RPRD2: variants seen among roughly 807,000 people sequenced by gnomAD.
RPRD2 encodes regulation of nuclear pre-mRNA domain containing 2.
A neutral mutation model predicts 104.4 loss-of-function variants in RPRD2; 12 were observed. The observed-to-expected ratio is 0.11, with a 90% CI of 0.07 to 0.19. RPRD2 has a LOEUF of 0.19. RPRD2 is among the 10% of genes least tolerant of loss of function. The pLI is 1.00. For missense variants in RPRD2, 1,543 were observed against 1,790.1 expected (o/e 0.86, Z 2.49); for synonymous variants, 714 against 684.9 (o/e 1.04, Z -0.66).
At chr1:150,365,212 G>A (rs1351874921) in intron 1 of RPRD2, among the ~76,000 whole-genome samples, 1 of 152,182 alleles carries the variant, frequency 6.6e-6, no homozygotes, top group Non-Finnish European at 1.5e-5. Context: ...AGCCTTGTAA[G>A]GTGTATTGAT....
At chr1:150,368,323 C>T (rs1470151901) in intron 1 of RPRD2, among the ~76,000 whole-genome samples, 3 of 144,438 alleles carry the variant, frequency 2.1e-5, no homozygotes, top group South Asian at 2.2e-4. Flanking sequence ...GATGGAATTT[C>T]GCTTTGTCGT....
chr1:150,472,633 C>A lies in RPRD2; in HGVS notation c.3685C>A (p.Arg1229=), dbSNP rs1197403172. ...TAAGGATCATGGTGGTATCTTCTCT[C>A]GAGATGCACCCACTCATCTACCCTC... ...PPKDHGGIFS[R]DAPTHLPSVD... The change falls in exon 11 of 11, where the codon CGA becomes AGA. Residue 1229 remains arginine (R), a synonymous_variant. Coordinates refer to ENST00000369068, the MANE Select transcript of RPRD2 (RefSeq NM_015203.5). 2.5e-6 allele frequency: 4 copies of A among 1,613,752 alleles called. No homozygotes were observed. In the African/African-American group the frequency reaches 4.0e-5, roughly 16 times the overall value.
chr1:150,395,362 C>G (rs1662421993), intron 1 of RPRD2, among the ~76,000 whole-genome samples: 1 of 54,966 alleles, frequency 1.8e-5, no homozygotes, highest in Admixed American at 1.5e-4. Flanking sequence ...GAGTAGTATT[C>G]CATTGTGTGT....
At chr1:150,438,194 G>A (rs1219891347) in intron 2 of RPRD2, among the ~76,000 whole-genome samples, 1 of 152,132 alleles carries the variant, frequency 6.6e-6, no homozygotes, top group Non-Finnish European at 1.5e-5. Flanking sequence ...GGAAGCTGAG[G>A]CAGAAGAATC....
chr1:150,415,600 C>T (rs2102270069), intron 1 of RPRD2, among the ~76,000 whole-genome samples: 1 of 152,112 alleles, frequency 6.6e-6, no homozygotes, highest in Non-Finnish European at 1.5e-5. Flanking sequence ...GTGGGAGGAT[C>T]ACCTGAGCCC....
intron 2 of RPRD2, among the ~76,000 whole-genome samples, chr1:150,424,941 A>G (rs1665014983): frequency 6.6e-6 from 1 of 152,040 alleles, no homozygotes; most frequent in South Asian, 2.1e-4. Context: ...CCTGCTAACT[A>G]GTTTCCCGGT....
intron 1 of RPRD2, among the ~76,000 whole-genome samples, chr1:150,366,944 T>G (rs868994532): frequency 6.6e-6 from 1 of 152,242 alleles, no homozygotes; most frequent in Non-Finnish European, 1.5e-5. Context: ...AATTACAGTT[T>G]TTTTTCTAGT....
chr1:150,417,751 G>T, intron 2 of RPRD2, 26 bp downstream of exon 2: 1 of 1,524,624 alleles, frequency 6.6e-7, no homozygotes, highest in Non-Finnish European at 8.9e-7. Context: ...TTGCTCTATG[G>T]GATCTAAACT....
chr1:150,393,454 C>CG (rs1491411347), intron 1 of RPRD2, among the ~76,000 whole-genome samples: 1 of 59,536 alleles, frequency 1.7e-5, no homozygotes, highest in African/African-American at 5.9e-5. Flanking sequence ...GACCCTGTCT[C>CG]AAAAAAAAAA....
chr1:150,377,124 T>C (rs933530244), intron 1 of RPRD2, among the ~76,000 whole-genome samples: 3 of 150,954 alleles, frequency 2.0e-5, no homozygotes, highest in African/African-American at 7.3e-5. Context: ...GGCAGGAGAA[T>C]TGCTTGAACC....
chr1:150,373,491 A>G (rs1345676613), intron 1 of RPRD2, among the ~76,000 whole-genome samples: 2 of 143,254 alleles, frequency 1.4e-5, no homozygotes, highest in African/African-American at 2.6e-5. Flanking sequence ...TTCTAGGTGG[A>G]TTAAATGTGG....
intron 7 of RPRD2, among the ~76,000 whole-genome samples, chr1:150,448,047 G>T (rs1004178927): frequency 6.6e-6 from 1 of 152,012 alleles, no homozygotes; most frequent in Non-Finnish European, 1.5e-5. Flanking sequence ...ACTATTTTTT[G>T]ACCATTAACA....
At chr1:150,380,742 C>T (rs953085610) in intron 1 of RPRD2, among the ~76,000 whole-genome samples, 1 of 151,950 alleles carries the variant, frequency 6.6e-6, no homozygotes, top group Admixed American at 6.6e-5. Context: ...GCAACCTCTG[C>T]CTCCTGGGTT....
At chr1:150,457,157 G>A (rs12126357) in intron 7 of RPRD2, 131 bp from the exon 8 acceptor site, 147,944 of 757,596 alleles carry the variant, frequency 0.2, 16,587 homozygotes, top group African/African-American at 0.32. Context: ...CCAGGAGGCA[G>A]AGGTTGCAGT....
chr1:150,425,925 A>G (rs1665090791), intron 2 of RPRD2, among the ~76,000 whole-genome samples: 1 of 152,150 alleles, frequency 6.6e-6, no homozygotes, highest in South Asian at 2.1e-4. Flanking sequence ...ACCCTGGGCA[A>G]CATAGGGAGA....
At chr1:150,385,174 A>T (rs1661472465) in intron 1 of RPRD2, among the ~76,000 whole-genome samples, 1 of 152,210 alleles carries the variant, frequency 6.6e-6, no homozygotes, top group Non-Finnish European at 1.5e-5. Context: ...GAAATTAGTG[A>T]AGTGGCTGGA....
At position 150,473,494 on chromosome 1, in the gene RPRD2, T is replaced by C; in HGVS notation, c.*160T>C. 1.9e-6 allele frequency: 1 copy of C among 539,112 alleles called. No homozygotes were observed. Among genetic ancestry groups the C allele is most frequent in the Non-Finnish European group, 3.0e-6 (1 of 328,720 alleles). The allele number at this position is 539,112 out of a possible 1,614,324, so 33.4% of individuals were successfully genotyped here. A position where few individuals can be genotyped will look rare whatever the true frequency, so the allele number is the denominator to read the frequency against. ...GTAAGAAATCACATACGCTTACGTTTTACTATTCAATTCAATCCTCCCTCC... is the reference window on the plus strand; with the variant it reads ...GTAAGAAATCACATACGCTTACGTTCTACTATTCAATTCAATCCTCCCTCC... On this transcript the variant is annotated 3_prime_UTR_variant, in exon 11 of 11. Transcript: ENST00000369068.
At chr1:150,393,930 CAG>C (rs1476735451) in intron 1 of RPRD2, among the ~76,000 whole-genome samples, 1 of 151,818 alleles carries the variant, frequency 6.6e-6, no homozygotes, top group Non-Finnish European at 1.5e-5. Context: ...GTAAAAATAA[CAG>C]TATATAAAAA....
intron 1 of RPRD2, among the ~76,000 whole-genome samples, chr1:150,412,176 A>G (rs587728748): frequency 1.3e-5 from 2 of 152,320 alleles, no homozygotes; most frequent in Admixed American, 6.5e-5. Flanking sequence ...CTGGATGCTT[A>G]TAATCCAGTG....
Sources: gnomAD v4.1 joint callset for allele counts (sites outside exome capture counted in the v4.1 genomes callset) on GRCh38, gnomAD v4.1.1 for gene constraint, MANE v1.5 for transcripts, NCBI Gene and HGNC (gene_info 2026-07-23, HGNC 2026-07-21) for gene names.